USP4: variants seen among roughly 807,000 people sequenced by gnomAD.
USP4 encodes the protein ubiquitin carboxyl-terminal hydrolase 4.
USP4 carries 72 observed loss-of-function variants against 118.2 expected under a neutral mutation model. That is an observed-to-expected ratio of 0.61 (90% confidence interval 0.50 to 0.74). The LOEUF is 0.74. Ranked by LOEUF, USP4 falls within the 30% of genes least tolerant of loss-of-function variation. The pLI is 0.00. For synonymous variants in USP4, 415 were observed against 440.4 expected, an observed-to-expected ratio of 0.94 and a Z score of 0.72; for missense variants, 1,037 against 1,185.7, an observed-to-expected ratio of 0.87 and a Z score of 1.84.
Position 49,295,123 on chromosome 3 carries a change from T to A in USP4, c.1692-525A>T, listed in dbSNP as rs536988759. Among the ~76,000 whole-genome samples the A allele has an allele frequency of 2.4e-4, 36 of 151,692 alleles. No individual in the cohort carries two copies. In the South Asian group the frequency reaches 3.5e-3, roughly 15 times the overall value. On this transcript the variant is annotated intron_variant, in intron 13 of 21. Transcript: ENST00000265560. ...GCTAACACGGTGAAACCCCATCTCT[T>A]CTAAAAATACAAACAATTAGACGGG... is the stretch of plus-strand genomic sequence containing the variant.
intron 11 of USP4, among the ~76,000 whole-genome samples, chr3:49,299,855 G>A (rs1157833443): frequency 6.6e-6 from 1 of 152,206 alleles, no homozygotes; most frequent in African/African-American, 2.4e-5. Flanking sequence ...GTATATCTGA[G>A]TACGAAAAGA....
In USP4 at chr3:49,283,883, T is replaced by C. The variant is rs775744093; in HGVS notation, c.2540+104A>G. 206 of 1,409,726 alleles carry C rather than the reference T, an allele frequency of 1.5e-4. No homozygotes were observed. The highest frequency in any genetic ancestry group is 2.0e-4 in the Non-Finnish European group (201 of 1,015,700). 87.3% of individuals were successfully genotyped at this position (1,409,726 alleles called of 1,614,324 possible). A position where few individuals can be genotyped will look rare whatever the true frequency, so the allele number is the denominator to read the frequency against. The stretch of plus-strand genomic sequence containing the variant: ...ACCTCCTAGACCCCGGCAACACACA[T>C]CCTTACTCAGAAAAGTTTTTGGTGG... On this transcript the variant is annotated intron_variant, in intron 19 of 21. Transcript: ENST00000265560.
intron 15 of USP4, among the ~76,000 whole-genome samples, chr3:49,288,552 G>A (rs1311168286): frequency 5.3e-5 from 8 of 152,158 alleles, no homozygotes; most frequent in Non-Finnish European, 1.2e-4. Flanking sequence ...TCAGGTGCCT[G>A]TAATCCCAGC....
At chr3:49,317,244 G>A (rs779807632) in intron 6 of USP4, 2 of 1,541,246 alleles carry the variant, frequency 1.3e-6, no homozygotes, top group East Asian at 2.3e-5. Flanking sequence ...TACTGCAAGA[G>A]GCAATCTTGC....
chr3:49,317,262 G>C (rs2047448187), intron 6 of USP4: 2 of 1,539,938 alleles, frequency 1.3e-6, no homozygotes, highest in Non-Finnish European at 1.8e-6. Flanking sequence ...TGCGTGCCAG[G>C]TTCTCGTTGA....
At chr3:49,325,088 T>G in intron 4 of USP4, 49 bp from the exon 5 acceptor site, 1 of 1,591,756 alleles carries the variant, frequency 6.3e-7, no homozygotes, top group African/African-American at 1.3e-5. Flanking sequence ...CATGCAAGGC[T>G]AAAGACAGCC....
intron 15 of USP4, among the ~76,000 whole-genome samples, chr3:49,287,663 G>A (rs1030250972): frequency 6.6e-6 from 1 of 152,104 alleles, no homozygotes; most frequent in Non-Finnish European, 1.5e-5. Context: ...AGTAGAGACG[G>A]GGTTTCTCCA....
At chr3:49,287,193 C>T (rs548207684) in intron 15 of USP4, among the ~76,000 whole-genome samples, 10 of 152,064 alleles carry the variant, frequency 6.6e-5, no homozygotes, top group Admixed American at 2.6e-4. Flanking sequence ...CTCACTCTTT[C>T]GTCCAGGCTG....
At chr3:49,316,923 CG>C in intron 6 of USP4, 1 of 615,682 alleles carries the variant, frequency 1.6e-6, no homozygotes, top group Non-Finnish European at 2.9e-6. Context: ...GGCTGTGCCC[CG>C]GGCTTGTCAC....
intron 2 of USP4, among the ~76,000 whole-genome samples, chr3:49,328,537 C>T (rs1048374973): frequency 5.9e-5 from 9 of 152,136 alleles, no homozygotes; most frequent in African/African-American, 2.2e-4. Context: ...AGAAGCAACT[C>T]CTCAGCCATT....
In USP4 at chr3:49,286,192, G is replaced by A; in HGVS notation, c.2106C>T (p.Cys702=). 6.2e-7 allele frequency: 1 copy of A among 1,614,084 alleles called. No homozygotes were observed. The highest frequency in any genetic ancestry group is 1.1e-5 in the South Asian group (1 of 91,082). Reference sequence around the variant, plus strand: ...GACTGAAGGTAAAAAGCCTTTTTGGGCAGGGCTGGCCTTTGATCTTCTTTT... The same window carrying A: ...GACTGAAGGTAAAAAGCCTTTTTGGACAGGGCTGGCCTTTGATCTTCTTTT... ...TTQKKIKGQP[C]PKRLFTFSLV... The change falls in exon 16 of 22, where the codon TGC becomes TGT. Residue 702 remains cysteine, a synonymous_variant. Transcript: ENST00000265560.
chr3:49,305,476 T>C (rs2047305141), intron 9 of USP4, among the ~76,000 whole-genome samples: 1 of 151,068 alleles, frequency 6.6e-6, no homozygotes, highest in African/African-American at 2.4e-5. Context: ...CGGGAGAGTA[T>C]CCCTTATCCA....
chr3:49,278,489 GA>G, intron 21 of USP4, 38 bp from the exon 22 acceptor site: 1 of 1,596,682 alleles, frequency 6.3e-7, no homozygotes. Context: ...TCAGTGCTTG[GA>G]AAAATCACCC....
intron 3 of USP4, 110 bp from the exon 4 acceptor site, chr3:49,325,955 C>T: frequency 7.4e-7 from 1 of 1,343,690 alleles, no homozygotes; most frequent in Middle Eastern, 2.0e-4. Flanking sequence ...TAATCCATTT[C>T]CTTTACTGAT....
At position 49,303,715 on chromosome 3, in the gene USP4, T is replaced by C. The variant is rs182930762; in HGVS notation, c.1129-1173A>G. The stretch of plus-strand genomic sequence containing the variant: ...CTAAACACTACCTTCCAGTTGTTTA[T>C]TTACATTAGCTTCAGCACAGTGTGT... On this transcript the variant is annotated intron_variant, in intron 9 of 21. Transcript: ENST00000265560. Among the ~76,000 whole-genome samples, 9 of 152,204 alleles carry C rather than the reference T, an allele frequency of 5.9e-5. No homozygotes were observed. The East Asian group carries it at 1.5e-3, about 26-fold the overall frequency.
chr3:49,325,669 T>C, intron 4 of USP4, 50 bp downstream of exon 4: 1 of 1,594,838 alleles, frequency 6.3e-7, no homozygotes, highest in Non-Finnish European at 8.6e-7. Flanking sequence ...TCAGCCACAA[T>C]GTCCTACACT....
intron 2 of USP4, among the ~76,000 whole-genome samples, chr3:49,335,153 T>C (rs763084986): frequency 2.0e-5 from 3 of 152,198 alleles, no homozygotes; most frequent in Non-Finnish European, 2.9e-5. Context: ...TTAGATACAA[T>C]TTCAAAATGA....
intron 20 of USP4, among the ~76,000 whole-genome samples, chr3:49,279,514 CAAT>C (rs980761649): frequency 2.0e-5 from 3 of 152,082 alleles, no homozygotes; most frequent in African/African-American, 7.2e-5. Flanking sequence ...CAGTTTCCCA[CAAT>C]GATTCAAGCA....
rs1056880700 is a variant in USP4, at chr3:49,284,465, C to T, written c.2390+1G>A. On this transcript the variant is annotated splice_donor_variant, in intron 18 of 21. Coordinates refer to ENST00000265560, the MANE Select transcript of USP4 (RefSeq NM_003363.4). LOFTEE classifies it high-confidence loss of function. ...TGCCCAGACAGTGAGGAGCTGCGTACCAGGGGTCATGCTCCCCAAGGGTCT... is the reference window on the plus strand; with the variant it reads ...TGCCCAGACAGTGAGGAGCTGCGTATCAGGGGTCATGCTCCCCAAGGGTCT... 6.2e-7 allele frequency: 1 copy of T among 1,612,798 alleles called. No homozygotes were observed.
Sources: allele counts gnomAD v4.1 joint callset (sites outside exome capture counted in the v4.1 genomes callset), GRCh38; gene constraint gnomAD v4.1.1; transcripts MANE v1.5; gene names NCBI Gene and HGNC (gene_info 2026-07-23, HGNC 2026-07-21).